The following TMEM132B variants were observed in gnomAD, a reference collection of about 807,000 sequenced individuals.
TMEM132B encodes transmembrane protein 132B.
Under a neutral mutation model 90.8 loss-of-function variants are expected in TMEM132B, and 18 were observed. That is an observed-to-expected ratio of 0.20 (90% CI 0.14 to 0.29). The LOEUF (loss-of-function observed/expected upper bound fraction) is 0.29, where lower values mean the gene tolerates loss of function less well. TMEM132B is among the 10% of genes least tolerant of loss of function. TMEM132B has a pLI of 1.00. For missense variants in TMEM132B, 1,096 were observed against 1,326.8 expected (o/e 0.83, Z 2.70); for synonymous variants, 504 against 523.3 (o/e 0.96, Z 0.50).
intron 2 of TMEM132B, among the ~76,000 whole-genome samples, chr12:125,395,227 A>G (rs1879137745): frequency 6.6e-6 from 1 of 152,166 alleles, no homozygotes; most frequent in Non-Finnish European, 1.5e-5. Context: ...GGAAGAGGTG[A>G]AAAAAATTCA....
intron 3 of TMEM132B, among the ~76,000 whole-genome samples, chr12:125,447,834 C>G (rs1301676102): frequency 6.6e-6 from 1 of 152,136 alleles, no homozygotes; most frequent in Non-Finnish European, 1.5e-5. Flanking sequence ...TGTCTTCTGG[C>G]TTACATTGTC....
At chr12:125,526,248 G>A (rs1275464231) in intron 4 of TMEM132B, among the ~76,000 whole-genome samples, 1 of 152,218 alleles carries the variant, frequency 6.6e-6, no homozygotes, top group Non-Finnish European at 1.5e-5. Flanking sequence ...TTCAACTGAA[G>A]GCTCTTCTTA....
At chr12:125,229,315 C>T (rs1398144884) in intron 1 of TMEM132B, among the ~76,000 whole-genome samples, 1 of 152,178 alleles carries the variant, frequency 6.6e-6, no homozygotes, top group East Asian at 1.9e-4. Flanking sequence ...TTTGAACTCT[C>T]GGCACTTTAC....
At chr12:125,202,126 T>C (rs1350626847) in intron 1 of TMEM132B, among the ~76,000 whole-genome samples, 1 of 152,112 alleles carries the variant, frequency 6.6e-6, no homozygotes, top group Non-Finnish European at 1.5e-5. Flanking sequence ...GCCTCAGGGA[T>C]TGGATCAGGG....
At chr12:125,350,468 A>T (rs1459993327) in intron 2 of TMEM132B, 125 bp downstream of exon 2, 2 of 1,157,862 alleles carry the variant, frequency 1.7e-6, no homozygotes, top group African/African-American at 3.1e-5. Flanking sequence ...GCTGGTCATT[A>T]AAGTGGTGAA....
intron 2 of TMEM132B, among the ~76,000 whole-genome samples, chr12:125,363,876 T>C (rs1352871): frequency 6.6e-6 from 1 of 152,224 alleles, no homozygotes; most frequent in East Asian, 1.9e-4. Flanking sequence ...AATAGAAATA[T>C]TCATTAGAGG....
At chr12:125,355,203 C>G (rs1877727051) in intron 2 of TMEM132B, among the ~76,000 whole-genome samples, 1 of 151,998 alleles carries the variant, frequency 6.6e-6, no homozygotes, top group South Asian at 2.1e-4. Context: ...TAAATGAAGA[C>G]CACCCAAATG....
At chr12:125,253,975 C>T (rs976410601) in intron 1 of TMEM132B, among the ~76,000 whole-genome samples, 2 of 151,942 alleles carry the variant, frequency 1.3e-5, no homozygotes, top group African/African-American at 4.8e-5. Flanking sequence ...AATAAATGGG[C>T]GAAGGAGGGA....
At chr12:125,264,217 T>TGCCTCTCCTGCCTCC (rs1490179861) in intron 1 of TMEM132B, among the ~76,000 whole-genome samples, 2 of 152,214 alleles carry the variant, frequency 1.3e-5, no homozygotes, top group Admixed American at 6.5e-5. Flanking sequence ...CCTCTGCCTC[T>TGCCTCTCCTGCCTCC]GCCTCTCCTG....
At chr12:125,626,905 C>T (rs1377086607) in intron 5 of TMEM132B, among the ~76,000 whole-genome samples, 1 of 152,056 alleles carries the variant, frequency 6.6e-6, no homozygotes, top group Non-Finnish European at 1.5e-5. Context: ...TGTTTTATCT[C>T]TCTTTTTGGG....
chr12:125,409,611 AGTGGAGTGGAGGAGT>A (rs1879638431), intron 2 of TMEM132B, among the ~76,000 whole-genome samples: 1 of 100,740 alleles, frequency 9.9e-6, no homozygotes, highest in African/African-American at 4.5e-5. Flanking sequence ...AGTGGAGTGG[AGTGGAGTGGAGGAGT>A]GGAGTGGAGT....
intron 1 of TMEM132B, among the ~76,000 whole-genome samples, chr12:125,248,555 A>T (rs1262592147): frequency 1.3e-5 from 2 of 152,216 alleles, no homozygotes; most frequent in African/African-American, 4.8e-5. Flanking sequence ...GTAGAAAACC[A>T]TCTGAATGTG....
intron 3 of TMEM132B, among the ~76,000 whole-genome samples, chr12:125,439,034 C>G (rs1309215566): frequency 1.3e-5 from 2 of 152,022 alleles, no homozygotes; most frequent in East Asian, 3.9e-4. Flanking sequence ...CACACAAAAT[C>G]TTCAATAATT....
At chr12:125,321,656 T>C (rs1287572516) in intron 1 of TMEM132B, among the ~76,000 whole-genome samples, 4 of 151,980 alleles carry the variant, frequency 2.6e-5, no homozygotes, top group Admixed American at 2.6e-4. Flanking sequence ...TTTTGTGTTT[T>C]TAGTAGAGCC....
chr12:125,560,860 A>AAAAG (rs869099860), intron 4 of TMEM132B, among the ~76,000 whole-genome samples: 30 of 147,144 alleles, frequency 2.0e-4, no homozygotes, highest in South Asian at 4.3e-4. Context: ...AAAAAAAAAA[A>AAAAG]GTCAGGAAAC....
intron 4 of TMEM132B, among the ~76,000 whole-genome samples, chr12:125,524,209 G>A (rs1395882949): frequency 4.6e-5 from 7 of 152,212 alleles, no homozygotes; most frequent in Non-Finnish European, 8.8e-5. Flanking sequence ...GATAAACTGA[G>A]CCATAAAAAA....
At chr12:125,335,934 C>T (rs1480290643) in intron 1 of TMEM132B, among the ~76,000 whole-genome samples, 1 of 152,176 alleles carries the variant, frequency 6.6e-6, no homozygotes, top group East Asian at 1.9e-4. Flanking sequence ...TGGCAGTGAG[C>T]CAAGATTGCG....
chr12:125,519,245 C>T (rs967544187), intron 3 of TMEM132B, among the ~76,000 whole-genome samples, 194 bp from the exon 4 acceptor site: 10 of 152,194 alleles, frequency 6.6e-5, no homozygotes, highest in African/African-American at 1.2e-4. Context: ...AGAGACGGAT[C>T]GTCAGCCTAT....
intron 3 of TMEM132B, among the ~76,000 whole-genome samples, chr12:125,435,724 G>T (rs145479746): frequency 6.6e-6 from 1 of 152,160 alleles, no homozygotes; most frequent in African/African-American, 2.4e-5. Flanking sequence ...GGAGAATGCC[G>T]GTGTAGGGAA....
Sources: allele counts gnomAD v4.1 joint callset (sites outside exome capture counted in the v4.1 genomes callset), GRCh38; gene constraint gnomAD v4.1.1; transcripts MANE v1.5; gene names NCBI Gene and HGNC (gene_info 2026-07-23, HGNC 2026-07-21).